ARHGAP21: variants seen among roughly 807,000 people sequenced by gnomAD.
ARHGAP21 encodes rho GTPase-activating protein 21.
A neutral mutation model predicts 164.6 loss-of-function variants in ARHGAP21; 38 were observed. The observed-to-expected ratio is 0.23, with a 90% CI of 0.18 to 0.30. The LOEUF (loss-of-function observed/expected upper bound fraction) is 0.30, where lower values mean the gene tolerates loss of function less well. Among genes scored for constraint, ARHGAP21 ranks in the 10% least tolerant of loss-of-function variants. The pLI is 1.00. For synonymous variants in ARHGAP21, 766 were observed against 857.9 expected, an observed-to-expected ratio of 0.89 and a Z score of 1.87; for missense variants, 1,822 against 2,370.7, an observed-to-expected ratio of 0.77 and a Z score of 4.81.
chr10:24,696,479 G>C, intron 2 of ARHGAP21, among the ~76,000 whole-genome samples: 1 of 152,240 alleles, frequency 6.6e-6, no homozygotes, highest in East Asian at 1.9e-4. Flanking sequence ...TTCAGGGGCA[G>C]TAGGTAAAGT....
rs547078631 is a variant in ARHGAP21 at position 24,708,159 on chromosome 10, G to A, written c.63+13678C>T. On this transcript the variant is annotated intron_variant, in intron 2 of 25. Coordinates refer to ENST00000396432, the MANE Select transcript of ARHGAP21 (RefSeq NM_020824.4). ...ATCAAATTCAAAGTCCTCAAAATCT[G>A]AAAACTGAGGCTACTGAAAAGCTTG... Among the ~76,000 whole-genome samples the A allele has an allele frequency of 2.7e-3, 417 of 152,292 alleles. 1 individual carries two copies. Among genetic ancestry groups the A allele is most frequent in the African/African-American group, 9.3e-3 (387 of 41,560 alleles).
rs577376457 is a variant in ARHGAP21 at position 24,624,457 on chromosome 10, A to G, written c.496-1695T>C. ...CAGGTTCAAGCAATTCTCCTGCCTC[A>G]GCCTCCTGAGTAGCTGGGATTACAG... is the stretch of plus-strand genomic sequence containing the variant. On this transcript the variant is annotated intron_variant, in intron 7 of 25. Transcript: ENST00000396432. Among the ~76,000 whole-genome samples, 130 of 146,868 alleles carry G rather than the reference A, an allele frequency of 8.9e-4. 3 individuals carry two copies. The South Asian group carries it at 0.028, about 31-fold the overall frequency.
At chr10:24,621,437 G>T in intron 8 of ARHGAP21, 68 bp from the exon 9 acceptor site, 1 of 1,386,192 alleles carries the variant, frequency 7.2e-7, no homozygotes, top group Non-Finnish European at 9.7e-7. Flanking sequence ...CATTTTTACA[G>T]TGCACTATTT....
chr10:24,621,792 A>C (rs1232023816), intron 8 of ARHGAP21, among the ~76,000 whole-genome samples: 1 of 152,086 alleles, frequency 6.6e-6, no homozygotes, highest in African/African-American at 2.4e-5. Flanking sequence ...AAAATCTTAA[A>C]TGCATTTTAA....
chr10:24,699,296 A>G (rs904600211), intron 2 of ARHGAP21, among the ~76,000 whole-genome samples: 2 of 151,950 alleles, frequency 1.3e-5, no homozygotes, highest in African/African-American at 4.8e-5. Context: ...TATTTACTCT[A>G]GATGTCTGAT....
At chr10:24,651,991 A>G (rs1018297569) in intron 4 of ARHGAP21, among the ~76,000 whole-genome samples, 14 of 152,252 alleles carry the variant, frequency 9.2e-5, no homozygotes, top group Non-Finnish European at 1.6e-4. Flanking sequence ...AAAGTGATCA[A>G]TGGAATAGAA....
chr10:24,721,656 C>T (rs1845951020), intron 2 of ARHGAP21, among the ~76,000 whole-genome samples, 181 bp downstream of exon 2: 1 of 152,198 alleles, frequency 6.6e-6, no homozygotes, highest in Non-Finnish European at 1.5e-5. Flanking sequence ...ACGGGAGTCC[C>T]TGGAAACAGA....
intron 9 of ARHGAP21, among the ~76,000 whole-genome samples, chr10:24,616,651 A>G (rs1050359625): frequency 6.6e-6 from 1 of 152,228 alleles, no homozygotes; most frequent in Admixed American, 6.5e-5. Flanking sequence ...GAAAGTTAAG[A>G]TGAAACCCTG....
intron 4 of ARHGAP21, among the ~76,000 whole-genome samples, chr10:24,657,351 T>A (rs1460935833): frequency 2.4e-5 from 1 of 41,956 alleles, no homozygotes; most frequent in East Asian, 7.3e-4. Context: ...AGGTGAGGGG[T>A]GCCTCTGCCC....
At chr10:24,633,883 C>CGT (rs1836090916) in intron 5 of ARHGAP21, among the ~76,000 whole-genome samples, 1 of 75,456 alleles carries the variant, frequency 1.3e-5, no homozygotes, top group Non-Finnish European at 2.4e-5. Context: ...CTTTTTTTCT[C>CGT]TTTTTTTTTT....
At chr10:24,608,439 A>ATTCT (rs1193336304) in intron 9 of ARHGAP21, among the ~76,000 whole-genome samples, 2 of 152,172 alleles carry the variant, frequency 1.3e-5, no homozygotes, top group Non-Finnish European at 2.9e-5. Context: ...TTTGCACAAA[A>ATTCT]TTCTTACTCT....
chr10:24,652,092 T>G (rs923334963), intron 4 of ARHGAP21, among the ~76,000 whole-genome samples: 1 of 152,170 alleles, frequency 6.6e-6, no homozygotes, highest in Non-Finnish European at 1.5e-5. Flanking sequence ...ATATTCTTCT[T>G]TTTTTAACAA....
intron 12 of ARHGAP21, among the ~76,000 whole-genome samples, chr10:24,603,508 G>A (rs1247146034): frequency 6.6e-6 from 1 of 152,176 alleles, no homozygotes; most frequent in Non-Finnish European, 1.5e-5. Flanking sequence ...CTATTTTAAT[G>A]TAGGAAATAG....
At chr10:24,653,913 G>A (rs546542847) in intron 4 of ARHGAP21, among the ~76,000 whole-genome samples, 22 of 151,870 alleles carry the variant, frequency 1.4e-4, no homozygotes, top group Non-Finnish European at 2.4e-4. Context: ...TACTAAGAAA[G>A]TGAAAAAAAA....
chr10:24,659,403 C>T (rs907431933), intron 4 of ARHGAP21, among the ~76,000 whole-genome samples: 3 of 152,160 alleles, frequency 2.0e-5, no homozygotes, highest in Non-Finnish European at 4.4e-5. Context: ...GCAATCTCCG[C>T]CTCCCGGGTT....
At chr10:24,627,406 A>C (rs989101589) in intron 7 of ARHGAP21, among the ~76,000 whole-genome samples, 12 of 152,362 alleles carry the variant, frequency 7.9e-5, no homozygotes, top group African/African-American at 2.6e-4. Context: ...TGTTAGAGAC[A>C]GAAAATTATA....
chr10:24,684,293 A>G (rs985854884), intron 2 of ARHGAP21, among the ~76,000 whole-genome samples: 1 of 151,450 alleles, frequency 6.6e-6, no homozygotes, highest in Non-Finnish European at 1.5e-5. Context: ...ACTGAAAAGA[A>G]AAAAAAAACC....
intron 4 of ARHGAP21, among the ~76,000 whole-genome samples, chr10:24,651,207 G>C (rs996505518): frequency 4.6e-5 from 7 of 152,172 alleles, no homozygotes; most frequent in Non-Finnish European, 1.0e-4. Flanking sequence ...TGTTCACACA[G>C]AGGCCACATT....
intron 2 of ARHGAP21, among the ~76,000 whole-genome samples, chr10:24,684,644 A>AT (rs1842057581): frequency 6.6e-6 from 1 of 151,946 alleles, no homozygotes; most frequent in East Asian, 1.9e-4. Context: ...TTTATTTTTA[A>AT]TTTTTGTTTT....
Sources: allele counts gnomAD v4.1 joint callset (sites outside exome capture counted in the v4.1 genomes callset), GRCh38; gene constraint gnomAD v4.1.1; transcripts MANE v1.5; gene names NCBI Gene and HGNC (gene_info 2026-07-23, HGNC 2026-07-21).